TMEM132B: variants seen among roughly 807,000 people sequenced by gnomAD.
TMEM132B encodes transmembrane protein 132B.
In TMEM132B, 18 loss-of-function variants were observed where a neutral mutation model predicts 90.8. That is an observed-to-expected ratio of 0.20 (90% CI 0.14 to 0.29). The LOEUF (loss-of-function observed/expected upper bound fraction) is 0.29. TMEM132B is among the 10% of genes least tolerant of loss of function. The pLI, the probability that TMEM132B is intolerant of heterozygous loss-of-function variation, is 1.00. For synonymous variants in TMEM132B, 504 were observed against 523.3 expected, an observed-to-expected ratio of 0.96 and a Z score of 0.50; for missense variants, 1,096 against 1,326.8, an observed-to-expected ratio of 0.83 and a Z score of 2.70.
At chr12:125,391,472 G>T (rs1242677026) in intron 2 of TMEM132B, among the ~76,000 whole-genome samples, 1 of 152,152 alleles carries the variant, frequency 6.6e-6, no homozygotes, top group African/African-American at 2.4e-5. Flanking sequence ...TACTACCATG[G>T]ATCTGAGTAG....
chr12:125,349,904 G>A lies in TMEM132B; in HGVS notation c.520G>A (p.Glu174Lys), dbSNP rs780350068. ...VKMFAFPEAR[E>K]VAASCRLQGA... ...GATGTTTGCTTTCCCTGAGGCCAGGGAAGTGGCAGCCAGCTGTCGGCTGCA... is the reference window on the plus strand; with the variant it reads ...GATGTTTGCTTTCCCTGAGGCCAGGAAAGTGGCAGCCAGCTGTCGGCTGCA... Residue 174 changes from glutamate (E) to lysine (K), a missense_variant, in exon 2 of 9, where the codon GAA (glutamate) becomes AAA (lysine). By Grantham distance (56) the Glu-to-Lys change is moderately conservative (BLOSUM62 1). Coordinates refer to ENST00000682704, the MANE Select transcript of TMEM132B (RefSeq NM_001366854.1). The surrounding 1 kb of genome is among the most constrained non-coding windows in gnomAD (Gnocchi z 4.1). The A allele has an allele frequency of 6.2e-7, 1 of 1,614,252 alleles. No homozygotes were observed. Among genetic ancestry groups the A allele is most frequent in the Non-Finnish European group, 8.5e-7 (1 of 1,180,046 alleles).
intron 5 of TMEM132B, among the ~76,000 whole-genome samples, chr12:125,608,593 A>C (rs1885753439): frequency 6.6e-6 from 1 of 152,336 alleles, no homozygotes; most frequent in African/African-American, 2.4e-5. Flanking sequence ...AATGTAACCA[A>C]TTAACTTTTT....
chr12:125,362,581 C>T (rs1566013757), intron 2 of TMEM132B, among the ~76,000 whole-genome samples: 1 of 152,186 alleles, frequency 6.6e-6, no homozygotes, highest in Non-Finnish European at 1.5e-5. Context: ...TCTTGCAGGA[C>T]TGAAACTACA....
chr12:125,610,331 G>T (rs534091276), intron 5 of TMEM132B, among the ~76,000 whole-genome samples: 1 of 152,310 alleles, frequency 6.6e-6, no homozygotes, highest in African/African-American at 2.4e-5. Flanking sequence ...GGTGGCATAA[G>T]ATCGTCGTTA....
intron 2 of TMEM132B, among the ~76,000 whole-genome samples, chr12:125,394,829 A>G (rs538171116): frequency 1.3e-5 from 2 of 152,240 alleles, no homozygotes; most frequent in Admixed American, 1.3e-4. Flanking sequence ...TCCATGTGGG[A>G]GCTACAGTGG....
chr12:125,443,393 C>T (rs1435613583), intron 3 of TMEM132B, among the ~76,000 whole-genome samples: 1 of 152,096 alleles, frequency 6.6e-6, no homozygotes, highest in African/African-American at 2.4e-5. Flanking sequence ...TGTAGGATGG[C>T]CCCTTTCTCT....
chr12:125,583,700 T>C, intron 4 of TMEM132B, 151 bp from the exon 5 acceptor site: 1 of 931,528 alleles, frequency 1.1e-6, no homozygotes, highest in Admixed American at 2.3e-5. Flanking sequence ...AACTTCCATT[T>C]TGTGTGAGCT....
chr12:125,421,032 C>T (rs2136375803), intron 3 of TMEM132B, among the ~76,000 whole-genome samples: 1 of 152,350 alleles, frequency 6.6e-6, no homozygotes, highest in Non-Finnish European at 1.5e-5. Flanking sequence ...TCTGAGACCA[C>T]CTTAACTTGG....
chr12:125,541,092 T>C (rs1373613027), intron 4 of TMEM132B, among the ~76,000 whole-genome samples: 1 of 152,238 alleles, frequency 6.6e-6, no homozygotes, highest in Admixed American at 6.5e-5. Context: ...TGCTCAAATA[T>C]CACCTGGTAA....
chr12:125,530,406 A>G (rs1051555432), intron 4 of TMEM132B, among the ~76,000 whole-genome samples: 28 of 152,092 alleles, frequency 1.8e-4, no homozygotes, highest in African/African-American at 6.3e-4. Context: ...TGGGTTTTAC[A>G]TCATGTGCCA....
intron 4 of TMEM132B, among the ~76,000 whole-genome samples, chr12:125,552,312 T>G (rs1320361850): frequency 2.0e-5 from 3 of 152,218 alleles, no homozygotes; most frequent in Non-Finnish European, 4.4e-5. Context: ...TAATATAGGC[T>G]AATGGGTTCC....
intron 3 of TMEM132B, among the ~76,000 whole-genome samples, chr12:125,455,517 T>C (rs1881269420): frequency 6.6e-6 from 1 of 152,126 alleles, no homozygotes; most frequent in Admixed American, 6.5e-5. Flanking sequence ...GAAATACTAG[T>C]AAGAGAAAGG....
chr12:125,380,900 C>T (rs894460515), intron 2 of TMEM132B, among the ~76,000 whole-genome samples: 2 of 152,172 alleles, frequency 1.3e-5, no homozygotes, highest in African/African-American at 4.8e-5. Flanking sequence ...CTATCAGCTC[C>T]CTGCTGCACT....
intron 6 of TMEM132B, among the ~76,000 whole-genome samples, chr12:125,646,358 T>G (rs1301761375): frequency 6.6e-6 from 1 of 152,186 alleles, no homozygotes; most frequent in African/African-American, 2.4e-5. Context: ...ATGTTGAAAT[T>G]TTCAGTATTT....
intron 1 of TMEM132B, among the ~76,000 whole-genome samples, chr12:125,250,349 CAGAA>C (rs1222523483): frequency 1.3e-5 from 2 of 152,234 alleles, no homozygotes; most frequent in Non-Finnish European, 1.5e-5. Flanking sequence ...TTGCTCTTGG[CAGAA>C]AGAGTTACCT....
At chr12:125,275,209 T>G (rs968125426) in intron 1 of TMEM132B, among the ~76,000 whole-genome samples, 30 of 152,334 alleles carry the variant, frequency 2.0e-4, no homozygotes, top group Admixed American at 8.5e-4. Flanking sequence ...CACTCCAGAT[T>G]CTGAATTCCT....
chr12:125,459,498 A>G lies in TMEM132B; in HGVS notation c.1106+43821A>G, dbSNP rs1240362364. On this transcript the variant is annotated intron_variant, in intron 3 of 8. Coordinates refer to ENST00000682704, the MANE Select transcript of TMEM132B (RefSeq NM_001366854.1). This position sits in a 1 kb window ranked among gnomAD's most constrained non-coding sequence, Gnocchi z 4.1. ...AATTGAAATCATGGACATAGAGAGT[A>G]AAAGGATGGTTACCAGAAGCTGGAA... Among the ~76,000 whole-genome samples, 2 of 152,210 alleles carry G rather than the reference A, an allele frequency of 1.3e-5. No homozygotes were observed. Among genetic ancestry groups the G allele is most frequent in the Non-Finnish European group, 2.9e-5 (2 of 68,042 alleles).
At chr12:125,491,247 AATT>A (rs993704614) in intron 3 of TMEM132B, among the ~76,000 whole-genome samples, 4 of 151,712 alleles carry the variant, frequency 2.6e-5, no homozygotes, top group South Asian at 2.1e-4. Flanking sequence ...AATATTTTTA[AATT>A]ATTATTTTTA....
intron 5 of TMEM132B, chr12:125,588,241 A>ACC: frequency 6.6e-6 from 1 of 152,264 alleles, no homozygotes; most frequent in Non-Finnish European, 1.5e-5. Flanking sequence ...TATCTATAAA[A>ACC]TGGGGATGGT....
Sources: allele counts gnomAD v4.1 joint callset (sites outside exome capture counted in the v4.1 genomes callset), GRCh38; gene constraint gnomAD v4.1.1; non-coding constraint Gnocchi (gnomAD v3.1); transcripts MANE v1.5; gene names NCBI Gene and HGNC (gene_info 2026-07-23, HGNC 2026-07-21).